Variants in MYH13 observed in about 807,000 individuals in gnomAD.
MYH13 encodes the protein myosin-13.
In MYH13, 177 loss-of-function variants were observed where a neutral mutation model predicts 232.1. The ratio of observed to expected loss-of-function variants is 0.76; its 90% CI spans 0.67 to 0.86. The LOEUF (loss-of-function observed/expected upper bound fraction) is 0.86, where lower values mean the gene tolerates loss of function less well. Ranked by LOEUF, MYH13 falls within the 40% of genes least tolerant of loss-of-function variation. The pLI is 0.00. For synonymous variants in MYH13, 884 were observed against 923.5 expected (o/e 0.96, Z 0.78); for missense variants, 2,246 against 2,405.9 (o/e 0.93, Z 1.39).
chr17:10,324,011 G>T lies in MYH13; in HGVS notation c.2934+11C>A, dbSNP rs749857598. ...GTTAAGACACTGTGGGAGTCCCTTG[G>T]GTTTGCTCACCTTGTTCTCTGTGGC... On this transcript the variant is annotated intron_variant, in intron 23 of 40. Coordinates refer to ENST00000252172, the MANE Select transcript of MYH13 (RefSeq NM_003802.3). 5.6e-6 allele frequency: 9 copies of T among 1,613,272 alleles called. No homozygotes were observed. The highest frequency in any genetic ancestry group is 1.7e-5 in the Admixed American group (1 of 59,914).
At chr17:10,353,501 G>A (rs765344368) in intron 11 of MYH13, among the ~76,000 whole-genome samples, 1 of 152,154 alleles carries the variant, frequency 6.6e-6, no homozygotes, top group Non-Finnish European at 1.5e-5. Flanking sequence ...GGGTGGAGAT[G>A]AATTGCTCAC....
At chr17:10,358,242 C>A (rs964582763) in intron 7 of MYH13, among the ~76,000 whole-genome samples, 2 of 151,968 alleles carry the variant, frequency 1.3e-5, no homozygotes, top group African/African-American at 4.8e-5. Context: ...AGCAAGCGAC[C>A]CAGGGGATGA....
Position 10,354,905 on chromosome 17 carries a change from TG to T in MYH13, c.890del (p.Pro297GlnfsTer3). The T allele has an allele frequency of 6.3e-7, 1 of 1,599,690 alleles. No individual in the cohort carries two copies. The highest frequency in any genetic ancestry group is 8.6e-7 in the Non-Finnish European group (1 of 1,166,870). ...ATTCCAAGAGCTTACCAATTAGTTCTGGCTTCTTGTTTGACATAATTTGGTA... is the reference window on the plus strand; with the variant it reads ...ATTCCAAGAGCTTACCAATTAGTTCTGCTTCTTGTTTGACATAATTTGGTA... ...IFYQIMSNKK[P>X]ELIDLLLIST... On this transcript the variant is annotated frameshift_variant, in exon 10 of 41. Transcript: ENST00000252172. LOFTEE classifies it high-confidence loss of function.
chr17:10,313,105 C>G (rs570183869), intron 30 of MYH13, 53 bp downstream of exon 30: 2 of 1,612,532 alleles, frequency 1.2e-6, no homozygotes, highest in Non-Finnish European at 8.5e-7. Context: ...ACTCCTGGTC[C>G]CTTGGCTTGT....
chr17:10,338,583 A>G (rs2071593756), intron 18 of MYH13, among the ~76,000 whole-genome samples: 1 of 151,890 alleles, frequency 6.6e-6, no homozygotes, highest in Non-Finnish European at 1.5e-5. Flanking sequence ...CCTCACGACA[A>G]CCCTCTAAGG....
At position 10,364,471 on chromosome 17, in the gene MYH13, T is replaced by C. The variant is rs2071817830; in HGVS notation, c.60A>G (p.Pro20=). 6.2e-7 allele frequency: 1 copy of C among 1,612,032 alleles called. No homozygotes were observed. Among genetic ancestry groups the C allele is most frequent in the Non-Finnish European group, 8.5e-7 (1 of 1,179,030 alleles). Residue 20 remains proline (P), a synonymous_variant, in exon 3 of 41, where the codon CCA becomes CCG. Transcript: ENST00000252172. ...FGEAAPYLRK[P]EKERIEAQNR... The stretch of plus-strand genomic sequence containing the variant: ...TTTGAGCCTCGATTCTCTCCTTCTC[T>C]GGTTTCCGGAGGTAGGGAGCTGCTT...
chr17:10,320,314 T>C (rs1422842002), intron 25 of MYH13, 37 bp downstream of exon 25: 8 of 1,609,374 alleles, frequency 5.0e-6, no homozygotes, highest in South Asian at 1.1e-5. Flanking sequence ...AGTTGGCTTT[T>C]AGGCTGAGAC....
intron 35 of MYH13, 76 bp downstream of exon 35, chr17:10,309,158 G>A (rs1191479941): frequency 1.4e-6 from 2 of 1,431,126 alleles, no homozygotes; most frequent in South Asian, 1.4e-5. Context: ...GAGGGATAGC[G>A]GAAGCAGCTG....
rs747474836 is a variant in MYH13, at chr17:10,309,437, C to G, written c.4966G>C (p.Asp1656His). The change falls in exon 35 of 41, where the codon GAC becomes CAC. Residue 1656 changes from aspartate to histidine, a missense_variant and splice_region_variant. By Grantham distance (81) the Asp-to-His change is moderately conservative. Transcript: ENST00000252172. The stretch of plus-strand genomic sequence containing the variant: ...GCGTCATCGAGATGCAGCTGGGAGT[C>G]CTGCAGGGGAGACCCAGAGTGAGGC... ...HLRTVQGQLKDSQLHLDDALR... is the reference protein window; with the variant it reads ...HLRTVQGQLKHSQLHLDDALR... 1 of 1,601,472 alleles carries G rather than the reference C, an allele frequency of 6.2e-7. No homozygotes were observed. Among genetic ancestry groups the G allele is most frequent in the Non-Finnish European group, 8.5e-7 (1 of 1,173,564 alleles).
chr17:10,307,085 C>T (rs777634440), intron 35 of MYH13, 21 bp from the exon 36 acceptor site: 1 of 1,612,980 alleles, frequency 6.2e-7, no homozygotes, highest in Non-Finnish European at 8.5e-7. Flanking sequence ...AATTAGATAT[C>T]AGGGGTGTGG....
rs1054166371 is a variant in MYH13, at chr17:10,306,392, A to G, written c.5466+67T>C. On this transcript the variant is annotated intron_variant, in intron 37 of 40. Transcript: ENST00000252172. This position sits in a 1 kb window ranked among gnomAD's most constrained non-coding sequence, Gnocchi z 4.3. ...TTCAGTGGCCTTTTCCCACCATCTC[A>G]GTTTCTGGACTGTGGTTCTGTCCGA... 9 of 1,594,422 alleles carry G rather than the reference A, an allele frequency of 5.6e-6. No homozygotes were observed. Among genetic ancestry groups the G allele is most frequent in the Non-Finnish European group, 6.8e-6 (8 of 1,168,802 alleles).
At position 10,301,639 on chromosome 17, in the gene MYH13, G is replaced by A. The variant is rs748764993; in HGVS notation, c.5732C>T (p.Ala1911Val). Residue 1911 changes from alanine (A) to valine (V), a missense_variant, in exon 40 of 41, where the codon GCG becomes GTG. Ala to Val is a moderately conservative substitution (Grantham distance 64). Coordinates refer to ENST00000252172, the MANE Select transcript of MYH13 (RefSeq NM_003802.3). ...GGACTCAGCGATGTCCGCCCTCTCC[G>A]CGGCCTCCTCTAGCTCATGCTGGAC... ...RRVQHELEEA[A>V]ERADIAESQV... 56 of 1,614,020 alleles carry A rather than the reference G, an allele frequency of 3.5e-5. No individual in the cohort carries two copies. In the Middle Eastern group the frequency reaches 4.9e-4, roughly 14 times the overall value.
Position 10,355,104 on chromosome 17 carries a change from G to A in MYH13, c.782C>T (p.Ala261Val). The A allele has an allele frequency of 6.3e-7, 1 of 1,595,444 alleles. No homozygotes were observed. Among genetic ancestry groups the A allele is most frequent in the Non-Finnish European group, 8.5e-7 (1 of 1,169,858 alleles). The change falls in exon 9 of 41, where the codon GCA becomes GTA. Residue 261 changes from alanine (A) to valine (V), a missense_variant. Coordinates refer to ENST00000252172, the MANE Select transcript of MYH13 (RefSeq NM_003802.3). ...CTCACAAGTTTCGATGTCTGCCGAT[G>A]CCAGCTTTCCTGTGGCTCCAAAATG... Reference protein sequence around the residue: ...RIHFGATGKLASADIETYLLE... With the variant: ...RIHFGATGKLVSADIETYLLE...
chr17:10,301,970 C>G (rs1386061158), intron 39 of MYH13, among the ~76,000 whole-genome samples: 1 of 152,118 alleles, frequency 6.6e-6, no homozygotes, highest in Non-Finnish European at 1.5e-5. Flanking sequence ...GGTATCTGCT[C>G]CATAGAGATC....
intron 29 of MYH13, among the ~76,000 whole-genome samples, chr17:10,314,558 C>G (rs1204064181): frequency 6.6e-6 from 1 of 152,220 alleles, no homozygotes; most frequent in African/African-American, 2.4e-5. Context: ...ACCACTTCCC[C>G]TTTCCCCTCA....
In MYH13 at chr17:10,316,038, G is replaced by A. The variant is rs2142227291; in HGVS notation, c.3739-13C>T. 27 of 1,613,882 alleles carry A rather than the reference G, an allele frequency of 1.7e-5. No individual in the cohort carries two copies. Among genetic ancestry groups the A allele is most frequent in the Non-Finnish European group, 2.3e-5 (27 of 1,179,826 alleles). ...TTTCTATGTTACTCTTTAACAAACA[G>A]AAAGTCAACACGAATGGGAAGAAAT... On this transcript the variant is annotated splice_polypyrimidine_tract_variant and intron_variant, in intron 27 of 40. Transcript: ENST00000252172.
intron 24 of MYH13, among the ~76,000 whole-genome samples, chr17:10,321,106 G>A (rs1324496060): frequency 2.0e-5 from 3 of 152,074 alleles, no homozygotes; most frequent in African/African-American, 7.2e-5. Context: ...CATGTGACGG[G>A]GGCAGAAATA....
rs747040498 is a variant in MYH13, at chr17:10,304,773, A to G, written c.5467-1275T>C. ...ATGTGAAAGTATTGTTAGAATGACA[A>G]AGCACTACACAGGTGTTGTTAATTT... is the stretch of plus-strand genomic sequence containing the variant. On this transcript the variant is annotated intron_variant, in intron 37 of 40. Transcript: ENST00000252172. The surrounding 1 kb of genome is among the most constrained non-coding windows in gnomAD (Gnocchi z 5.3). Among the ~76,000 whole-genome samples, 2 of 152,248 alleles carry G rather than the reference A, an allele frequency of 1.3e-5. No individual in the cohort carries two copies. Among genetic ancestry groups the G allele is most frequent in the African/African-American group, 2.4e-5 (1 of 41,476 alleles).
chr17:10,329,702 G>A (rs770485856), intron 21 of MYH13, among the ~76,000 whole-genome samples: 9 of 152,040 alleles, frequency 5.9e-5, no homozygotes, highest in Middle Eastern at 3.4e-3. Flanking sequence ...GCTTTCGTCA[G>A]CTGGGCGCAG....
Sources: allele counts gnomAD v4.1 joint callset (sites outside exome capture counted in the v4.1 genomes callset), GRCh38; gene constraint gnomAD v4.1.1; non-coding constraint Gnocchi (gnomAD v3.1); transcripts MANE v1.5; gene names NCBI Gene and HGNC (gene_info 2026-07-23, HGNC 2026-07-21).